ADGRA1: variants seen among roughly 807,000 people sequenced by gnomAD.
ADGRA1 encodes the protein adhesion G protein-coupled receptor A1.
ADGRA1 carries 12 observed loss-of-function variants against 21.3 expected under a neutral mutation model. The observed-to-expected ratio is 0.56, with a 90% CI of 0.36 to 0.91. The LOEUF (loss-of-function observed/expected upper bound fraction) is 0.91, where lower values mean the gene tolerates loss of function less well. Ranked by LOEUF, ADGRA1 falls within the 40% of genes least tolerant of loss-of-function variation. ADGRA1 has a pLI of 0.01. For synonymous variants in ADGRA1, 385 were observed against 368.8 expected (o/e 1.04, Z -0.50); for missense variants, 790 against 805.6 (o/e 0.98, Z 0.23).
intron 5 of ADGRA1, among the ~76,000 whole-genome samples, chr10:133,118,623 G>A (rs1019484465): frequency 1.3e-5 from 2 of 152,158 alleles, no homozygotes; most frequent in Non-Finnish European, 2.9e-5. Flanking sequence ...TCAGTCTCGT[G>A]AGAACTCATT....
At chr10:133,112,701 A>ATTTGAGGTCTGCGGGCCGTGTCG (rs1564850344) in intron 5 of ADGRA1, among the ~76,000 whole-genome samples, 1 of 20,412 alleles carries the variant, frequency 4.9e-5, no homozygotes, top group African/African-American at 1.9e-4. Context: ...GGGCCACGTC[A>ATTTGAGGTCTGCGGGCCGTGTCG]GTTATTTGGG....
chr10:133,121,857 G>GC (rs1233664337), intron 5 of ADGRA1, among the ~76,000 whole-genome samples: 61 of 149,310 alleles, frequency 4.1e-4, no homozygotes, highest in African/African-American at 1.3e-3. Context: ...GTGCGTGTGT[G>GC]AATGAGTGCC....
At chr10:133,099,310 T>A (rs1851750057) in intron 4 of ADGRA1, among the ~76,000 whole-genome samples, 1 of 151,716 alleles carries the variant, frequency 6.6e-6, no homozygotes, top group South Asian at 2.1e-4. Context: ...GAGAGAGTGG[T>A]GGGGGCAGCT....
At chr10:133,113,374 G>A (rs925044821) in intron 5 of ADGRA1, among the ~76,000 whole-genome samples, 5 of 152,206 alleles carry the variant, frequency 3.3e-5, no homozygotes, top group Non-Finnish European at 5.9e-5. Context: ...CACCTGCCTC[G>A]CAGCCTCCCC....
intron 5 of ADGRA1, among the ~76,000 whole-genome samples, chr10:133,120,243 A>C (rs1294073444): frequency 6.6e-6 from 1 of 152,180 alleles, no homozygotes; most frequent in Admixed American, 6.5e-5. Context: ...GTCTCAACAA[A>C]AAATACAAAA....
intron 4 of ADGRA1, among the ~76,000 whole-genome samples, chr10:133,100,985 C>T (rs937806031): frequency 1.3e-5 from 2 of 152,228 alleles, no homozygotes; most frequent in Admixed American, 1.3e-4. Flanking sequence ...CTCCGAGCTC[C>T]CCGATGAACT....
chr10:133,126,311 G>A (rs1362062164), intron 5 of ADGRA1, among the ~76,000 whole-genome samples: 1 of 152,224 alleles, frequency 6.6e-6, no homozygotes, highest in East Asian at 1.9e-4. Flanking sequence ...ATCTTCTTGG[G>A]ATATAGAGTC....
At position 133,130,259 on chromosome 10, in the gene ADGRA1, A is replaced by C. The variant is rs1375912753; in HGVS notation, c.*748A>C. 1 of 152,194 alleles carries C rather than the reference A, an allele frequency of 6.6e-6. No individual in the cohort carries two copies. The highest frequency in any genetic ancestry group is 1.5e-5 in the Non-Finnish European group (1 of 68,052). The allele number at this position is 152,194 out of a possible 1,614,324, so 9.4% of individuals were successfully genotyped here. ...CTTTGGGGATGGCTGTCAGCCTCAG[A>C]GGGCCAATGGGGGGCTTTCACGGGC... On this transcript the variant is annotated 3_prime_UTR_variant, in exon 7 of 7. Transcript: ENST00000392607.
chr10:133,117,091 G>C (rs1852173359), intron 5 of ADGRA1, among the ~76,000 whole-genome samples: 1 of 152,174 alleles, frequency 6.6e-6, no homozygotes, highest in African/African-American at 2.4e-5. Flanking sequence ...GCAGAAGGGG[G>C]AAGGGGAAGG....
chr10:133,095,857 A>G (rs1851679403), intron 2 of ADGRA1: 1 of 1,525,572 alleles, frequency 6.6e-7, no homozygotes, highest in Non-Finnish European at 8.8e-7. Flanking sequence ...AGCCGGAGCC[A>G]TCCCAGAGGC....
At chr10:133,090,072 G>A (rs1294213766) in intron 2 of ADGRA1, among the ~76,000 whole-genome samples, 1 of 152,254 alleles carries the variant, frequency 6.6e-6, no homozygotes. Flanking sequence ...TTGCAAAATG[G>A]AAAACTGTCA....
rs540406854 is a variant in ADGRA1 at position 133,129,212 on chromosome 10, G to A, written c.1384G>A (p.Gly462Ser). The A allele has an allele frequency of 1.1e-5, 17 of 1,549,952 alleles. No homozygotes were observed. Among genetic ancestry groups the A allele is most frequent in the South Asian group, 1.1e-4 (9 of 84,064 alleles). ...AGACAGCCCCCCCAGCTCTCTGGAT[G>A]GCCCGGCGGGGACACACACGCTGGC... is the stretch of plus-strand genomic sequence containing the variant. ...RTDSPPSSLD[G>S]PAGTHTLACC... Residue 462 changes from glycine (G) to serine (S), a missense_variant, in exon 7 of 7, where the codon GGC (glycine) becomes AGC (serine). Gly to Ser is a moderately conservative substitution (Grantham distance 56). Coordinates refer to ENST00000392607, the MANE Select transcript of ADGRA1 (RefSeq NM_001083909.3).
rs541937684 is a variant in ADGRA1 at position 133,095,615 on chromosome 10, G to A, written c.4-1359G>A. ...AACCCTGGGGCAGGGGCCCTATTTCGGGCTTTGACTGTCAGCCAGTCCCTT... is the reference window on the plus strand; with the variant it reads ...AACCCTGGGGCAGGGGCCCTATTTCAGGCTTTGACTGTCAGCCAGTCCCTT... On this transcript the variant is annotated intron_variant, in intron 2 of 6. Coordinates refer to ENST00000392607, the MANE Select transcript of ADGRA1 (RefSeq NM_001083909.3). 5.9e-5 allele frequency: 92 copies of A among 1,568,238 alleles called. 1 individual carries two copies. The highest frequency in any genetic ancestry group is 3.0e-4 in the East Asian group (13 of 43,528).
chr10:133,101,853 A>G (rs1466292035), intron 4 of ADGRA1, among the ~76,000 whole-genome samples: 2 of 152,142 alleles, frequency 1.3e-5, no homozygotes, highest in Non-Finnish European at 1.5e-5. Context: ...TGAAACTGCA[A>G]ACGCAGCCCT....
intron 2 of ADGRA1, chr10:133,093,166 A>C (rs750056533): frequency 1.3e-6 from 2 of 1,596,238 alleles, no homozygotes; most frequent in Admixed American, 1.7e-5. Context: ...CTGGCCCCGG[A>C]CACCTCACCC....
At position 133,095,928 on chromosome 10, in the gene ADGRA1, G is replaced by A. The variant is rs1851680760; in HGVS notation, c.4-1046G>A. The A allele has an allele frequency of 4.5e-6, 5 of 1,113,962 alleles. No individual in the cohort carries two copies. The Admixed American group carries it at 8.2e-5, about 18-fold the overall frequency. 69.0% of individuals were successfully genotyped at this position (1,113,962 alleles called of 1,614,324 possible). On this transcript the variant is annotated intron_variant, in intron 2 of 6. Transcript: ENST00000392607. Reference sequence around the variant, plus strand: ...GCAGCATCCATGGCGTGGTCAGAGTGGCTGGAGCCTGGCACAGGTGCAGCG... The same window carrying A: ...GCAGCATCCATGGCGTGGTCAGAGTAGCTGGAGCCTGGCACAGGTGCAGCG...
chr10:133,118,995 C>T lies in ADGRA1; in HGVS notation c.402-8238C>T, dbSNP rs182204121. The stretch of plus-strand genomic sequence containing the variant: ...CACACACGCACCACACACACACTTG[C>T]ACTGCACACGTGCACATTGAGGCAC... On this transcript the variant is annotated intron_variant, in intron 5 of 6. Transcript: ENST00000392607. Among the ~76,000 whole-genome samples, 176 of 152,114 alleles carry T rather than the reference C, an allele frequency of 1.2e-3. 2 individuals carry two copies. The highest frequency in any genetic ancestry group is 4.0e-3 in the African/African-American group (165 of 41,478).
At chr10:133,090,554 C>T (rs548768706) in intron 2 of ADGRA1, among the ~76,000 whole-genome samples, 2 of 152,344 alleles carry the variant, frequency 1.3e-5, no homozygotes, top group South Asian at 2.1e-4. Context: ...TCCAAGTTCA[C>T]AGCGTAGTGT....
intron 4 of ADGRA1, among the ~76,000 whole-genome samples, chr10:133,099,936 G>A (rs532372289): frequency 6.6e-6 from 1 of 152,190 alleles, no homozygotes; most frequent in South Asian, 2.1e-4. Context: ...GGGGTGTCTG[G>A]GGAGAATCTG....
Sources: allele counts gnomAD v4.1 joint callset (sites outside exome capture counted in the v4.1 genomes callset), GRCh38; gene constraint gnomAD v4.1.1; transcripts MANE v1.5; gene names NCBI Gene and HGNC (gene_info 2026-07-23, HGNC 2026-07-21).